UGT2B17: variants seen among roughly 807,000 people sequenced by gnomAD.
UGT2B17 encodes the protein UDP glucuronosyltransferase family 2 member B17, also known as UDP-glucuronosyltransferase 2B17.
A neutral mutation model predicts 48.2 loss-of-function variants in UGT2B17; 21 were observed. The ratio of observed to expected loss-of-function variants is 0.44; its 90% confidence interval spans 0.31 to 0.63. UGT2B17 has a LOEUF of 0.63. Ranked by LOEUF, UGT2B17 falls within the 20% of genes least tolerant of loss-of-function variation. The pLI is 0.08. For missense variants in UGT2B17, 402 were observed against 696.1 expected, an observed-to-expected ratio of 0.58 and a Z score of 4.75; for synonymous variants, 146 against 238.4, an observed-to-expected ratio of 0.61 and a Z score of 3.57.
intron 6 of UGT2B17, among the ~76,000 whole-genome samples, chr4:68,538,963 T>A (rs1451154169): frequency 3.2e-5 from 4 of 126,188 alleles, no homozygotes; most frequent in African/African-American, 1.1e-4. Flanking sequence ...AGGCTTCCCC[T>A]TAAATGATAC....
Position 68,544,469 on chromosome 4 carries a change from G to A in UGT2B17, c.1313+6208C>T, listed in dbSNP as rs1403653917. Among the ~76,000 whole-genome samples, 2 of 125,906 alleles carry A rather than the reference G, an allele frequency of 1.6e-5. 1 individual carries two copies. The highest frequency in any genetic ancestry group is 3.4e-5 in the Non-Finnish European group (2 of 59,492). 82.6% of individuals were successfully genotyped at this position (125,906 alleles called of 152,430 possible). A position where few individuals can be genotyped will look rare whatever the true frequency, so the allele number is the denominator to read the frequency against. ...GCACTAAACATGGAAAGGAACAACT[G>A]GTACCAGCCACTGCAAAAACATGCC... On this transcript the variant is annotated intron_variant, in intron 6 of 6. Coordinates refer to ENST00000317746, the MANE Select transcript of UGT2B17 (RefSeq NM_001077.4).
chr4:68,548,337 A>T (rs1730856643), intron 6 of UGT2B17, among the ~76,000 whole-genome samples: 1 of 125,404 alleles, frequency 8.0e-6, no homozygotes, highest in Non-Finnish European at 1.7e-5. Context: ...AAAAAACCAA[A>T]CACCGCATGT....
At chr4:68,561,326 A>T (rs1293687834) in intron 3 of UGT2B17, among the ~76,000 whole-genome samples, 3 of 120,896 alleles carry the variant, frequency 2.5e-5, no homozygotes, top group Admixed American at 8.7e-5. Context: ...GAAGTATAAG[A>T]ATCATTGACG....
At position 68,575,247 on chromosome 4, in the gene UGT2B17, T is replaced by C; in HGVS notation, c.-65+704A>G. The stretch of plus-strand genomic sequence containing the variant: ...CCTCTGCCAGCTGCTTATGCTGCTG[T>C]TCTCTTAACTATTGTGAGGGGGGGT... On this transcript the variant is annotated intron_variant, in intron 1 of 6. Coordinates refer to ENST00000317746, the MANE Select transcript of UGT2B17 (RefSeq NM_001077.4). Among the ~76,000 whole-genome samples, 2 of 95,642 alleles carry C rather than the reference T, an allele frequency of 2.1e-5. 1 individual carries two copies. Among genetic ancestry groups the C allele is most frequent in the Non-Finnish European group, 4.3e-5 (2 of 46,774 alleles). The allele number at this position is 95,642 out of a possible 152,430, so 62.7% of individuals were successfully genotyped here.
rs1280877216 is a variant in UGT2B17, at chr4:68,548,483, A to T, written c.1313+2194T>A. Among the ~76,000 whole-genome samples, 4 of 124,748 alleles carry T rather than the reference A, an allele frequency of 3.2e-5. 1 individual carries two copies. Among genetic ancestry groups the T allele is most frequent in the African/African-American group, 1.1e-4 (4 of 36,486 alleles). The allele number at this position is 124,748 out of a possible 152,430, so 81.8% of individuals were successfully genotyped here. On this transcript the variant is annotated intron_variant, in intron 6 of 6. Transcript: ENST00000317746. The stretch of plus-strand genomic sequence containing the variant: ...GAGATACACTTAATGTTAAATGACG[A>T]GTTAATGGGTGCAGCACACCAACAT...
rs989799515 is a variant in UGT2B17, at chr4:68,561,960, A to G, written c.874-1292T>C. 7.3e-5 allele frequency among the ~76,000 whole-genome samples: 9 copies of G among 123,624 alleles called. 2 individuals carry two copies. Among genetic ancestry groups the G allele is most frequent in the African/African-American group, 1.4e-4 (5 of 36,432 alleles). 81.1% of individuals were successfully genotyped at this position (123,624 alleles called of 152,430 possible). On this transcript the variant is annotated intron_variant, in intron 3 of 6. Coordinates refer to ENST00000317746, the MANE Select transcript of UGT2B17 (RefSeq NM_001077.4). The stretch of plus-strand genomic sequence containing the variant: ...TGACCAACCCCTTCTATCATAACAA[A>G]TATACTTTCTGGTCCTAATCATTGG...
In UGT2B17 at chr4:68,547,664, G is replaced by T. The variant is rs1474265384; in HGVS notation, c.1313+3013C>A. ...ACCTACAGAATGGGAGAACATTTTTGCAATCTACTCATCTGACAAAGGGCT... is the reference window on the plus strand; with the variant it reads ...ACCTACAGAATGGGAGAACATTTTTTCAATCTACTCATCTGACAAAGGGCT... On this transcript the variant is annotated intron_variant, in intron 6 of 6. Transcript: ENST00000317746. 3.2e-5 allele frequency among the ~76,000 whole-genome samples: 4 copies of T among 125,926 alleles called. 1 individual carries two copies. The highest frequency in any genetic ancestry group is 1.1e-4 in the African/African-American group (4 of 36,836). 82.6% of individuals were successfully genotyped at this position (125,926 alleles called of 152,430 possible).
At chr4:68,562,646 C>T (rs186516503) in intron 3 of UGT2B17, among the ~76,000 whole-genome samples, 3 of 125,832 alleles carry the variant, frequency 2.4e-5, no homozygotes, top group Admixed American at 1.6e-4. Flanking sequence ...TTTATGAAAG[C>T]AATGGTAATA....
intron 4 of UGT2B17, among the ~76,000 whole-genome samples, chr4:68,553,472 T>G (rs1294107158): frequency 7.9e-6 from 1 of 126,626 alleles, no homozygotes; most frequent in Non-Finnish European, 1.7e-5. Context: ...CACTCACCCC[T>G]TTGGGGGTGC....
At chr4:68,567,417 TG>T (rs1007233426) in intron 2 of UGT2B17, among the ~76,000 whole-genome samples, 1 of 126,790 alleles carries the variant, frequency 7.9e-6, no homozygotes, top group African/African-American at 2.7e-5. Context: ...ATATAAAATT[TG>T]TATGTCTGCC....
intron 2 of UGT2B17, among the ~76,000 whole-genome samples, chr4:68,566,438 G>C (rs780755384): frequency 0.027 from 2,446 of 89,550 alleles, 156 homozygotes; most frequent in African/African-American, 0.05. Flanking sequence ...CCCATGTGTC[G>C]AGGGAGGGAC....
At chr4:68,557,005 G>A (rs1194486725) in intron 4 of UGT2B17, among the ~76,000 whole-genome samples, 1 of 124,368 alleles carries the variant, frequency 8.0e-6, no homozygotes, top group Non-Finnish European at 1.7e-5. Flanking sequence ...GGCTTATTTG[G>A]TATAAAAATT....
At position 68,543,680 on chromosome 4, in the gene UGT2B17, CT is replaced by C. The variant is rs1275525713; in HGVS notation, c.1314-5777del. The stretch of plus-strand genomic sequence containing the variant: ...AACCGAAGGCAAAGAAGGTAAAAAC[CT>C]TGAAAAAAGATTAGATGAATGGCTA... On this transcript the variant is annotated intron_variant, in intron 6 of 6. Coordinates refer to ENST00000317746, the MANE Select transcript of UGT2B17 (RefSeq NM_001077.4). Among the ~76,000 whole-genome samples, 4 of 122,992 alleles carry C rather than the reference CT, an allele frequency of 3.3e-5. 1 individual carries two copies. The highest frequency in any genetic ancestry group is 6.8e-5 in the Non-Finnish European group (4 of 58,542). The allele number at this position is 122,992 out of a possible 152,430, so 80.7% of individuals were successfully genotyped here.
In UGT2B17 at chr4:68,543,781, G is replaced by A. The variant is rs1730735831; in HGVS notation, c.1314-5877C>T. The stretch of plus-strand genomic sequence containing the variant: ...AACCATGGCACGAGAACTATGTGAT[G>A]AATGCACAAGCCTCAGTAGCTGATT... On this transcript the variant is annotated intron_variant, in intron 6 of 6. Transcript: ENST00000317746. Among the ~76,000 whole-genome samples, 2 of 125,658 alleles carry A rather than the reference G, an allele frequency of 1.6e-5. 1 individual carries two copies. Among genetic ancestry groups the A allele is most frequent in the Non-Finnish European group, 3.4e-5 (2 of 59,444 alleles). The allele number at this position is 125,658 out of a possible 152,430, so 82.4% of individuals were successfully genotyped here. A position where few individuals can be genotyped will look rare whatever the true frequency, so the allele number is the denominator to read the frequency against.
chr4:68,540,891 T>A lies in UGT2B17; in HGVS notation c.1314-2987A>T, dbSNP rs1191284373. Among the ~76,000 whole-genome samples, 4 of 125,402 alleles carry A rather than the reference T, an allele frequency of 3.2e-5. 2 individuals carry two copies. The highest frequency in any genetic ancestry group is 1.5e-3 in the East Asian group (2 of 1,306). 82.3% of individuals were successfully genotyped at this position (125,402 alleles called of 152,430 possible). A position where few individuals can be genotyped will look rare whatever the true frequency, so the allele number is the denominator to read the frequency against. ...ACTCCCTCTTATGAGTGAGAACATG[T>A]GGTGTTTGGTTTTCTGTTCCTGTGT... On this transcript the variant is annotated intron_variant, in intron 6 of 6. Coordinates refer to ENST00000317746, the MANE Select transcript of UGT2B17 (RefSeq NM_001077.4).
chr4:68,548,922 T>C (rs62316987), intron 6 of UGT2B17, among the ~76,000 whole-genome samples: 59,202 of 123,068 alleles, frequency 0.48, 23,016 homozygotes, highest in Middle Eastern at 0.74. Flanking sequence ...AGGGGTTTTC[T>C]AAATATAGAA....
chr4:68,542,797 G>A lies in UGT2B17; in HGVS notation c.1314-4893C>T, dbSNP rs759789820. Among the ~76,000 whole-genome samples, 14 of 126,798 alleles carry A rather than the reference G, an allele frequency of 1.1e-4. 3 individuals are homozygous for A. The highest frequency in any genetic ancestry group is 1.3e-4 in the African/African-American group (5 of 37,094). The allele number at this position is 126,798 out of a possible 152,430, so 83.2% of individuals were successfully genotyped here. A position where few individuals can be genotyped will look rare whatever the true frequency, so the allele number is the denominator to read the frequency against. Reference sequence around the variant, plus strand: ...AAACGGCACACCAGGAGATTATATCGCGCACCTGGCTCAGAGGGTCCTACG... The same window carrying A: ...AAACGGCACACCAGGAGATTATATCACGCACCTGGCTCAGAGGGTCCTACG... On this transcript the variant is annotated intron_variant, in intron 6 of 6. Transcript: ENST00000317746.
rs1297382769 is a variant in UGT2B17 at position 68,573,922 on chromosome 4, G to T, written c.-65+2029C>A. Among the ~76,000 whole-genome samples, 3 of 126,628 alleles carry T rather than the reference G, an allele frequency of 2.4e-5. 1 individual carries two copies. Among genetic ancestry groups the T allele is most frequent in the Non-Finnish European group, 3.4e-5 (2 of 59,690 alleles). 83.1% of individuals were successfully genotyped at this position (126,628 alleles called of 152,430 possible). On this transcript the variant is annotated intron_variant, in intron 1 of 6. Coordinates refer to ENST00000317746, the MANE Select transcript of UGT2B17 (RefSeq NM_001077.4). ...GGGGGCTGACTGGCAGGGACTTCAG[G>T]ATATAGCAGAGAGAGCTTGGCATGA...
rs746393909 is a variant in UGT2B17, at chr4:68,537,685, T to C, written c.1533A>G (p.Lys511=). The part of the protein sequence containing the change: ...CVATMIFMIT[K]CCLFCFRKLA... ...GCTTTCGGAAACAAAACAGGCAACA[T>C]TTTGTGATCATAAATATCATAGTTG... The change falls in exon 7 of 7, where the codon AAA becomes AAG. Residue 511 remains lysine, a synonymous_variant. Coordinates refer to ENST00000317746, the MANE Select transcript of UGT2B17 (RefSeq NM_001077.4). The C allele has an allele frequency of 4.0e-5, 55 of 1,378,370 alleles. 20 individuals are homozygous for C. The South Asian group carries it at 5.3e-4, about 13-fold the overall frequency. 85.4% of individuals were successfully genotyped at this position (1,378,370 alleles called of 1,614,324 possible). A position where few individuals can be genotyped will look rare whatever the true frequency, so the allele number is the denominator to read the frequency against.
Sources: gnomAD v4.1 joint callset for allele counts (sites outside exome capture counted in the v4.1 genomes callset) on GRCh38, gnomAD v4.1.1 for gene constraint, MANE v1.5 for transcripts, NCBI Gene and HGNC (gene_info 2026-07-23, HGNC 2026-07-21) for gene names.